FOXP2: variants seen among roughly 807,000 people sequenced by gnomAD.
FOXP2 encodes forkhead box P2, also known as forkhead box protein P2.
In FOXP2, 12 loss-of-function variants were observed where a neutral mutation model predicts 115.8. The ratio of observed to expected loss-of-function variants is 0.10; its 90% CI spans 0.07 to 0.17. FOXP2 has a LOEUF of 0.17. FOXP2 is among the 10% of genes least tolerant of loss of function. The pLI is 1.00. For missense variants in FOXP2, 629 were observed against 843.5 expected (o/e 0.75, Z 3.15); for synonymous variants, 328 against 297.7 (o/e 1.10, Z -1.05).
chr7:114,503,856 T>A (rs1181083649), intron 2 of FOXP2, among the ~76,000 whole-genome samples: 1 of 151,288 alleles, frequency 6.6e-6, no homozygotes, highest in Non-Finnish European at 1.5e-5. Flanking sequence ...AGTAGCCTAA[T>A]TTTAATGTAG....
intron 3 of FOXP2, among the ~76,000 whole-genome samples, chr7:114,553,185 T>C (rs1217524654): frequency 1.3e-5 from 2 of 152,178 alleles, no homozygotes; most frequent in Non-Finnish European, 2.9e-5. Context: ...AATATAGAGC[T>C]GGAGTTAGGA....
At chr7:114,455,859 A>T (rs1204363693) in intron 2 of FOXP2, among the ~76,000 whole-genome samples, 1 of 152,112 alleles carries the variant, frequency 6.6e-6, no homozygotes, top group Non-Finnish European at 1.5e-5. Flanking sequence ...CTGTGATCTT[A>T]ATATCTGCCT....
chr7:114,578,030 ATTTCTAG>A (rs1267278866), intron 3 of FOXP2, among the ~76,000 whole-genome samples: 3 of 151,984 alleles, frequency 2.0e-5, no homozygotes, highest in African/African-American at 7.2e-5. Flanking sequence ...GGAATTCAAT[ATTTCTAG>A]TGTATCATAT....
intron 16 of FOXP2, among the ~76,000 whole-genome samples, chr7:114,672,174 A>G (rs1231356413): frequency 6.6e-6 from 1 of 152,262 alleles, no homozygotes; most frequent in Non-Finnish European, 1.5e-5. Context: ...GTCACCATTG[A>G]TCACACAATG....
At chr7:114,289,894 T>G (rs1237871372) in intron 2 of FOXP2, among the ~76,000 whole-genome samples, 7 of 151,922 alleles carry the variant, frequency 4.6e-5, no homozygotes, top group African/African-American at 1.7e-4. Flanking sequence ...GTATAGAATT[T>G]TGAACCCTTG....
intron 3 of FOXP2, among the ~76,000 whole-genome samples, chr7:114,539,169 G>C: frequency 6.6e-6 from 1 of 151,736 alleles, no homozygotes; most frequent in Non-Finnish European, 1.5e-5. Flanking sequence ...CATATCATAT[G>C]TAAAAAATCA....
At chr7:114,298,334 A>AAT (rs1359441379) in intron 2 of FOXP2, among the ~76,000 whole-genome samples, 1 of 152,078 alleles carries the variant, frequency 6.6e-6, no homozygotes, top group African/African-American at 2.4e-5. Context: ...TCCTTTTCAA[A>AAT]ATACTTCATT....
chr7:114,088,211 A>C (rs1473367849), intron 1 of FOXP2: 2 of 150,780 alleles, frequency 1.3e-5, no homozygotes, highest in Non-Finnish European at 2.9e-5. Context: ...TTATTCCTGG[A>C]GTACTCTTCG....
upstream of FOXP2, among the ~76,000 whole-genome samples, chr7:114,161,826 G>A (rs1584515543): frequency 1.3e-5 from 2 of 152,034 alleles, no homozygotes. Context: ...GCCCAGGCTG[G>A]AGTGCAGTAG....
intron 3 of FOXP2, among the ~76,000 whole-genome samples, chr7:114,617,880 C>G (rs1275411564): frequency 1.3e-5 from 2 of 152,162 alleles, no homozygotes; most frequent in Non-Finnish European, 2.9e-5. Flanking sequence ...TGATCTGGCT[C>G]CTACCTACCT....
At chr7:114,233,222 TAAC>T (rs1448849517) in intron 1 of FOXP2, among the ~76,000 whole-genome samples, 1 of 152,224 alleles carries the variant, frequency 6.6e-6, no homozygotes, top group African/African-American at 2.4e-5. Flanking sequence ...TAGATAGTAT[TAAC>T]AACAATATTT....
At chr7:114,568,121 A>T (rs1801112271) in intron 3 of FOXP2, among the ~76,000 whole-genome samples, 1 of 151,930 alleles carries the variant, frequency 6.6e-6, no homozygotes, top group Admixed American at 6.6e-5. Flanking sequence ...GTTATGTTTC[A>T]TAATTTTGCA....
chr7:114,459,111 C>A (rs193001449), intron 2 of FOXP2, among the ~76,000 whole-genome samples: 12 of 152,288 alleles, frequency 7.9e-5, no homozygotes, highest in African/African-American at 2.4e-4. Flanking sequence ...CAGCATGGCA[C>A]CTGGCTACCT....
chr7:114,350,389 C>T (rs748243281), intron 2 of FOXP2, among the ~76,000 whole-genome samples: 4 of 152,090 alleles, frequency 2.6e-5, no homozygotes, highest in Non-Finnish European at 5.9e-5. Flanking sequence ...AGTGAGAACA[C>T]GCAGTGTGCG....
chr7:114,591,292 A>G (rs1432466329), intron 3 of FOXP2, among the ~76,000 whole-genome samples: 3 of 152,170 alleles, frequency 2.0e-5, no homozygotes, highest in Non-Finnish European at 4.4e-5. Context: ...CTTTTACTGT[A>G]ACACAGTAAC....
At chr7:114,443,632 A>G (rs1045834560) in intron 2 of FOXP2, among the ~76,000 whole-genome samples, 1 of 151,868 alleles carries the variant, frequency 6.6e-6, no homozygotes, top group African/African-American at 2.4e-5. Context: ...GTCCATATGT[A>G]CTCAGTGTTT....
chr7:114,681,027 T>C (rs1378256870), intron 16 of FOXP2, among the ~76,000 whole-genome samples: 1 of 152,202 alleles, frequency 6.6e-6, no homozygotes, highest in Non-Finnish European at 1.5e-5. Flanking sequence ...GGCAGGTAAG[T>C]TTTCCAATTG....
chr7:114,459,574 G>C (rs1168099800), intron 2 of FOXP2, among the ~76,000 whole-genome samples: 1 of 152,048 alleles, frequency 6.6e-6, no homozygotes, highest in Non-Finnish European at 1.5e-5. Context: ...CAGTAGTTTT[G>C]TTGTTGTTGT....
At chr7:114,120,335 T>C (rs1388206315) in intron 1 of FOXP2, among the ~76,000 whole-genome samples, 1 of 152,144 alleles carries the variant, frequency 6.6e-6, no homozygotes, top group Non-Finnish European at 1.5e-5. Context: ...GAGTTTTGTA[T>C]GGCGTTATGG....
Sources: gnomAD v4.1 joint callset for allele counts (sites outside exome capture counted in the v4.1 genomes callset) on GRCh38, gnomAD v4.1.1 for gene constraint, MANE v1.5 for transcripts, NCBI Gene and HGNC (gene_info 2026-07-23, HGNC 2026-07-21) for gene names.